The following G3BP2 variants were observed in gnomAD, a reference collection of about 807,000 sequenced individuals.
G3BP2 encodes G3BP stress granule assembly factor 2.
G3BP2 carries 11 observed loss-of-function variants against 56.7 expected under a neutral mutation model. The ratio of observed to expected loss-of-function variants is 0.19; its 90% CI spans 0.12 to 0.32. The LOEUF (loss-of-function observed/expected upper bound fraction) is 0.32, where lower values mean the gene tolerates loss of function less well. Ranked by LOEUF, G3BP2 falls within the 10% of genes least tolerant of loss-of-function variation. The probability of loss-of-function intolerance (pLI) is 1.00; values close to 1 mark genes in which losing one functional copy is unlikely to be tolerated. For synonymous variants in G3BP2, 165 were observed against 191.6 expected, an observed-to-expected ratio of 0.86 and a Z score of 1.15; for missense variants, 340 against 610.9, an observed-to-expected ratio of 0.56 and a Z score of 4.67.
chr4:75,674,708 ATATATATATATTTTTT>A (rs1278740975), upstream of G3BP2, among the ~76,000 whole-genome samples: 104 of 44,226 alleles, frequency 2.4e-3, no homozygotes, highest in African/African-American at 8.1e-3. Context: ...ATATATATAT[ATATATATATATTTTTT>A]TTTTTTTTTT....
At chr4:75,647,684 T>C (rs975670996) in intron 9 of G3BP2, among the ~76,000 whole-genome samples, 2 of 152,130 alleles carry the variant, frequency 1.3e-5, no homozygotes, top group Non-Finnish European at 2.9e-5. Flanking sequence ...GTGAGGAAAA[T>C]AGGCAATACA....
At chr4:75,692,643 A>G (rs183623360) in intron 3 of G3BP2, among the ~76,000 whole-genome samples, 49 of 152,218 alleles carry the variant, frequency 3.2e-4, no homozygotes, top group Admixed American at 1.1e-3. Flanking sequence ...TTCCCTTTTC[A>G]TGCTGTCTTT....
intron 3 of G3BP2, among the ~76,000 whole-genome samples, chr4:75,690,777 T>C (rs933733590): frequency 3.3e-5 from 5 of 151,678 alleles, no homozygotes; most frequent in Admixed American, 1.3e-4. Context: ...TTGGCCAGAG[T>C]AGTCTCAATC....
intron 3 of G3BP2, among the ~76,000 whole-genome samples, chr4:75,719,534 A>G (rs1250008167): frequency 6.6e-6 from 1 of 152,092 alleles, no homozygotes; most frequent in Non-Finnish European, 1.5e-5. Flanking sequence ...AAAGTAAAGC[A>G]GGAACTCTGG....
intron 1 of G3BP2, chr4:75,662,315 C>T (rs1488605465): frequency 8.5e-5 from 18 of 212,520 alleles, no homozygotes; most frequent in Middle Eastern, 1.9e-3. Context: ...CTCCGCCTCC[C>T]GGGTTCAAGC....
chr4:75,676,336 ATTTTTTTT>A (rs34017434), upstream of G3BP2, among the ~76,000 whole-genome samples: 2 of 92,076 alleles, frequency 2.2e-5, no homozygotes, highest in African/African-American at 8.8e-5. Flanking sequence ...ATTGCCAATA[ATTTTTTTT>A]TTTTTTTTTT....
intron 3 of G3BP2, among the ~76,000 whole-genome samples, chr4:75,690,839 C>T (rs78037473): frequency 0.15 from 22,888 of 152,074 alleles, 1,824 homozygotes; most frequent in South Asian, 0.34. Flanking sequence ...GCTGGGATTA[C>T]AGGTGTGAGC....
chr4:75,667,209 A>G (rs1733110799), intron 1 of G3BP2, among the ~76,000 whole-genome samples: 1 of 151,476 alleles, frequency 6.6e-6, no homozygotes, highest in South Asian at 2.1e-4. Flanking sequence ...GGAATGCCTG[A>G]GCCCGGGAAG....
At chr4:75,707,341 C>T (rs1719587166) in intron 3 of G3BP2, among the ~76,000 whole-genome samples, 1 of 151,942 alleles carries the variant, frequency 6.6e-6, no homozygotes, top group East Asian at 1.9e-4. Flanking sequence ...AGACAATTAT[C>T]GGCAGCGCCG....
intron 3 of G3BP2, among the ~76,000 whole-genome samples, chr4:75,688,003 A>G (rs1284580879): frequency 2.0e-5 from 3 of 152,230 alleles, no homozygotes; most frequent in African/African-American, 7.2e-5. Context: ...GCCTGCTGCC[A>G]CTGGGCTATG....
intron 8 of G3BP2, among the ~76,000 whole-genome samples, chr4:75,652,813 T>C (rs1245607370): frequency 6.6e-6 from 1 of 151,980 alleles, no homozygotes; most frequent in Non-Finnish European, 1.5e-5. Context: ...TCACTGAAAA[T>C]GAACAAAAAG....
intron 2 of G3BP2, among the ~76,000 whole-genome samples, chr4:75,659,534 T>C (rs1180931234): frequency 6.6e-6 from 1 of 152,228 alleles, no homozygotes; most frequent in African/African-American, 2.4e-5. Flanking sequence ...TCCAAAGCAA[T>C]TAGAATTAAC....
intron 3 of G3BP2, chr4:75,694,875 A>AG: frequency 1.0e-6 from 1 of 985,538 alleles, no homozygotes; most frequent in Non-Finnish European, 1.2e-6. Context: ...CAGAAGTAAC[A>AG]GCCGAAGGGG....
intron 3 of G3BP2, among the ~76,000 whole-genome samples, chr4:75,681,680 C>G (rs1734078267): frequency 6.6e-6 from 1 of 151,408 alleles, no homozygotes; most frequent in Non-Finnish European, 1.5e-5. Context: ...CGAACCCTGT[C>G]TCTACTAAAA....
intron 3 of G3BP2, among the ~76,000 whole-genome samples, chr4:75,688,557 T>C (rs902736356): frequency 3.9e-5 from 6 of 152,202 alleles, no homozygotes; most frequent in African/African-American, 1.4e-4. Context: ...CTGAGACTTA[T>C]TTTGGGGAAG....
intron 3 of G3BP2, among the ~76,000 whole-genome samples, chr4:75,694,446 C>CA (rs574292160): frequency 0.012 from 1,878 of 152,110 alleles, 43 homozygotes; most frequent in African/African-American, 0.043. Flanking sequence ...ACTAAAAATA[C>CA]AAAAAAAATT....
In G3BP2 at chr4:75,673,382, C is replaced by T; in HGVS notation, c.-199G>A. ...CAACCACCTCTTCCCGGGCGCCAGG[C>T]GCTGCGACGTGCGACAAGGACCACG... On this transcript the variant is annotated 5_prime_UTR_variant, in exon 1 of 12. Coordinates refer to ENST00000359707, the MANE Select transcript of G3BP2 (RefSeq NM_203505.3). 1.6e-6 allele frequency: 2 copies of T among 1,232,158 alleles called. No individual in the cohort carries two copies. Among genetic ancestry groups the T allele is most frequent in the Non-Finnish European group, 1.0e-6 (1 of 987,970 alleles). The allele number at this position is 1,232,158 out of a possible 1,614,324, so 76.3% of individuals were successfully genotyped here.
chr4:75,694,068 G>C (rs1718994488), intron 3 of G3BP2, among the ~76,000 whole-genome samples: 1 of 152,164 alleles, frequency 6.6e-6, no homozygotes, highest in African/African-American at 2.4e-5. Context: ...CCCTGCTAAA[G>C]AGACAGGGCT....
chr4:75,693,431 A>C (rs920319948), intron 3 of G3BP2, among the ~76,000 whole-genome samples: 1 of 149,574 alleles, frequency 6.7e-6, no homozygotes, highest in Non-Finnish European at 1.5e-5. Context: ...TACAACCACC[A>C]CCTGCTTCAC....
Sources: allele counts gnomAD v4.1 joint callset (sites outside exome capture counted in the v4.1 genomes callset), GRCh38; gene constraint gnomAD v4.1.1; transcripts MANE v1.5; gene names NCBI Gene and HGNC (gene_info 2026-07-23, HGNC 2026-07-21).